HELZ: variants seen among roughly 807,000 people sequenced by gnomAD.
The protein encoded by HELZ is helicase with zinc finger, also known as ATP-dependent RNA helicase with zinc finger domain.
In HELZ, 23 loss-of-function variants were observed where a neutral mutation model predicts 218.2. The observed-to-expected ratio is 0.11, with a 90% CI of 0.08 to 0.15. HELZ has a LOEUF of 0.15. HELZ is among the 10% of genes least tolerant of loss of function. HELZ has a pLI of 1.00. For missense variants in HELZ, 1,813 were observed against 2,353.7 expected, an observed-to-expected ratio of 0.77 and a Z score of 4.75; for synonymous variants, 814 against 829.4, an observed-to-expected ratio of 0.98 and a Z score of 0.32.
chr17:67,176,940 G>A (rs553811058), intron 13 of HELZ, among the ~76,000 whole-genome samples: 3 of 151,142 alleles, frequency 2.0e-5, no homozygotes, highest in South Asian at 2.1e-4. Context: ...GAAAGCCTTC[G>A]CAAGGTACTC....
intron 12 of HELZ, among the ~76,000 whole-genome samples, chr17:67,181,579 T>C (rs921601384): frequency 2.0e-5 from 3 of 152,196 alleles, no homozygotes; most frequent in African/African-American, 4.8e-5. Context: ...AAATGTTAAG[T>C]GTCTTTAGCA....
At chr17:67,177,578 A>G (rs1213618409) in intron 13 of HELZ, among the ~76,000 whole-genome samples, 3 of 151,888 alleles carry the variant, frequency 2.0e-5, no homozygotes, top group African/African-American at 4.8e-5. Context: ...GGAATCCATG[A>G]TAATATAAAT....
intron 3 of HELZ, among the ~76,000 whole-genome samples, chr17:67,236,898 A>G (rs1190068245): frequency 6.6e-6 from 1 of 152,154 alleles, no homozygotes. Flanking sequence ...GCCTTGACTG[A>G]GTGTTTTCAT....
At chr17:67,175,389 CTTAG>C (rs1167146656) in intron 13 of HELZ, among the ~76,000 whole-genome samples, 6 of 152,168 alleles carry the variant, frequency 3.9e-5, no homozygotes, top group East Asian at 3.9e-4. Flanking sequence ...AAAAATATAT[CTTAG>C]TTATTTTATT....
rs979141950 is a variant in HELZ, at chr17:67,108,973, G to A, written c.4489+143C>T. 6 of 719,620 alleles carry A rather than the reference G, an allele frequency of 8.3e-6. No individual in the cohort carries two copies. In the African/African-American group the frequency reaches 1.1e-4, roughly 13 times the overall value. 44.6% of individuals were successfully genotyped at this position (719,620 alleles called of 1,614,324 possible). ...TACTATCATACAGCATTTAGAACTA[G>A]TTTCTGATTATCACACTAAATGGGG... On this transcript the variant is annotated intron_variant, in intron 29 of 32. Transcript: ENST00000358691. This position sits in a 1 kb window ranked among gnomAD's most constrained non-coding sequence, Gnocchi z 4.1.
intron 5 of HELZ, among the ~76,000 whole-genome samples, chr17:67,210,543 A>C (rs902834106): frequency 1.3e-5 from 2 of 152,254 alleles, no homozygotes; most frequent in African/African-American, 4.8e-5. Context: ...AGTTTAACCT[A>C]CATATTACAA....
chr17:67,109,736 T>G, intron 28 of HELZ, 50 bp from the exon 29 acceptor site: 3 of 1,419,140 alleles, frequency 2.1e-6, no homozygotes, highest in Non-Finnish European at 2.9e-6. Flanking sequence ...TCAAATTCAG[T>G]TGCTCTCCAC....
chr17:67,096,366 ACAGT>A (rs2036748903), intron 31 of HELZ, among the ~76,000 whole-genome samples: 1 of 152,210 alleles, frequency 6.6e-6, no homozygotes, highest in Admixed American at 6.5e-5. Context: ...TCCTAACAAG[ACAGT>A]CAGCCTGTTC....
rs1046773456 is a variant in HELZ at position 67,076,119 on chromosome 17, A to G, written c.*2133T>C. 1.3e-5 allele frequency: 2 copies of G among 152,566 alleles called. No individual in the cohort carries two copies. Among genetic ancestry groups the G allele is most frequent in the African/African-American group, 2.4e-5 (1 of 41,440 alleles). 9.5% of individuals were successfully genotyped at this position (152,566 alleles called of 1,614,324 possible). On this transcript the variant is annotated 3_prime_UTR_variant, in exon 33 of 33. Transcript: ENST00000358691. The stretch of plus-strand genomic sequence containing the variant: ...GCCCTGACTTGACAATTCTGTCTTC[A>G]TATTATCAGATTGCTTTTGAACATT...
At chr17:67,208,680 G>A (rs1474490643) in intron 5 of HELZ, among the ~76,000 whole-genome samples, 1 of 152,042 alleles carries the variant, frequency 6.6e-6, no homozygotes, top group Non-Finnish European at 1.5e-5. Flanking sequence ...ACTTTGGGAG[G>A]CCAAGGTAGG....
chr17:67,100,164 A>G (rs572505687), intron 31 of HELZ, among the ~76,000 whole-genome samples: 16 of 152,332 alleles, frequency 1.1e-4, no homozygotes, highest in Middle Eastern at 3.4e-3. Context: ...TCTAAAAAAG[A>G]GAAATTGGGG....
chr17:67,109,744 C>A, intron 28 of HELZ, 58 bp from the exon 29 acceptor site: 1 of 1,302,578 alleles, frequency 7.7e-7, no homozygotes, highest in Non-Finnish European at 1.1e-6. Flanking sequence ...AGTTGCTCTC[C>A]ACCTTTTCCC....
intron 3 of HELZ, among the ~76,000 whole-genome samples, chr17:67,233,361 T>A (rs574458072): frequency 6.6e-6 from 1 of 152,124 alleles, no homozygotes; most frequent in East Asian, 1.9e-4. Context: ...TCAAAAAATT[T>A]AAAAATAAAA....
intron 32 of HELZ, among the ~76,000 whole-genome samples, chr17:67,079,639 G>A (rs1453948802): frequency 6.6e-6 from 1 of 152,198 alleles, no homozygotes; most frequent in African/African-American, 2.4e-5. Flanking sequence ...AAACCACTCT[G>A]CAGGAAGATG....
chr17:67,190,400 C>T, intron 9 of HELZ, 45 bp from the exon 10 acceptor site: 1 of 1,464,688 alleles, frequency 6.8e-7, no homozygotes, highest in Non-Finnish European at 9.5e-7. Context: ...CTTTGTTGAA[C>T]CATTTAAAAA....
At chr17:67,192,382 T>C (rs1221923835) in intron 9 of HELZ, among the ~76,000 whole-genome samples, 2 of 151,738 alleles carry the variant, frequency 1.3e-5, no homozygotes, top group African/African-American at 4.8e-5. Flanking sequence ...AAAAAATGAG[T>C]ATATTTAAAA....
At position 67,173,426 on chromosome 17, in the gene HELZ, T is replaced by A. The variant is rs540175692; in HGVS notation, c.1430+5233A>T. Among the ~76,000 whole-genome samples the A allele has an allele frequency of 6.8e-4, 104 of 152,212 alleles. 1 individual carries two copies. In the Middle Eastern group the frequency reaches 0.01, roughly 15 times the overall value. ...TAAAGTTTACATAATTCCCTAACCTTTTAGGGAATGACAGAATTACAGCCA... is the reference window on the plus strand; with the variant it reads ...TAAAGTTTACATAATTCCCTAACCTATTAGGGAATGACAGAATTACAGCCA... On this transcript the variant is annotated intron_variant, in intron 13 of 32. Transcript: ENST00000358691.
chr17:67,179,142 A>G (rs990041042), intron 12 of HELZ, among the ~76,000 whole-genome samples: 6 of 149,506 alleles, frequency 4.0e-5, no homozygotes, highest in Non-Finnish European at 7.4e-5. Flanking sequence ...ATCCATGTTT[A>G]AAAAAAAAAC....
chr17:67,187,857 C>A lies in HELZ; in HGVS notation c.1162+462G>T, dbSNP rs541411597. On this transcript the variant is annotated intron_variant, in intron 12 of 32. Coordinates refer to ENST00000358691, the MANE Select transcript of HELZ (RefSeq NM_014877.4). ...TCCTTAACACTAGTGGATGCACAAA[C>A]TGATTTATGAAGGCTTATTATACTC... is the stretch of plus-strand genomic sequence containing the variant. 2.0e-5 allele frequency among the ~76,000 whole-genome samples: 3 copies of A among 152,288 alleles called. No homozygotes were observed. The South Asian group carries it at 6.2e-4, about 32-fold the overall frequency.
Sources: allele counts gnomAD v4.1 joint callset (sites outside exome capture counted in the v4.1 genomes callset), GRCh38; gene constraint gnomAD v4.1.1; non-coding constraint Gnocchi (gnomAD v3.1); transcripts MANE v1.5; gene names NCBI Gene and HGNC (gene_info 2026-07-23, HGNC 2026-07-21).